The following GPD2 variants were observed in gnomAD, a reference collection of about 807,000 sequenced individuals.
GPD2 encodes the protein glycerol-3-phosphate dehydrogenase, mitochondrial.
In GPD2, 54 loss-of-function variants were observed where a neutral mutation model predicts 82.4. The ratio of observed to expected loss-of-function variants is 0.66; its 90% CI spans 0.53 to 0.82. GPD2 has a LOEUF of 0.82. Ranked by LOEUF, GPD2 falls within the 40% of genes least tolerant of loss-of-function variation. The pLI is 0.00. For synonymous variants in GPD2, 288 were observed against 306.1 expected (o/e 0.94, Z 0.62); for missense variants, 748 against 896.2 (o/e 0.83, Z 2.11).
intron 3 of GPD2, among the ~76,000 whole-genome samples, chr2:156,509,488 T>A (rs1419931359): frequency 6.6e-6 from 1 of 152,188 alleles, no homozygotes; most frequent in African/African-American, 2.4e-5. Context: ...CATTCTTTCA[T>A]CCTCCAAGAG....
At chr2:156,441,574 A>G (rs1682178209) in intron 1 of GPD2, among the ~76,000 whole-genome samples, 1 of 152,176 alleles carries the variant, frequency 6.6e-6, no homozygotes, top group African/African-American at 2.4e-5. Flanking sequence ...AAGAAAAAAG[A>G]TAAAAAAGTA....
At chr2:156,495,774 A>AACTTGGCTG in intron 2 of GPD2, 1 of 450,810 alleles carries the variant, frequency 2.2e-6, no homozygotes, top group Non-Finnish European at 4.2e-6. Context: ...TGAATAATTG[A>AACTTGGCTG]ACTTGGCTGT....
chr2:156,451,742 G>C (rs1682600168), intron 1 of GPD2, among the ~76,000 whole-genome samples: 1 of 148,354 alleles, frequency 6.7e-6, no homozygotes, highest in African/African-American at 2.5e-5. Flanking sequence ...CCGGGCGGGG[G>C]GCTGACCCCC....
At chr2:156,543,119 T>C (rs1686387958) in intron 6 of GPD2, among the ~76,000 whole-genome samples, 1 of 152,182 alleles carries the variant, frequency 6.6e-6, no homozygotes, top group Admixed American at 6.5e-5. Context: ...CTCCTCCCTT[T>C]GCTTATGTTT....
the GPD2 span, among the ~76,000 whole-genome samples, chr2:156,405,924 C>T: frequency 6.6e-6 from 1 of 152,120 alleles, no homozygotes; most frequent in East Asian, 1.9e-4. Flanking sequence ...GCTCAAGGTA[C>T]CAAGTTCCTA....
In GPD2 at chr2:156,550,590, T is replaced by C; in HGVS notation, c.827-12T>C. On this transcript the variant is annotated splice_polypyrimidine_tract_variant and intron_variant, in intron 7 of 16. Transcript: ENST00000438166. ...AAATGAGGTGTGTGATTGATGCCACTTTCTTTCACAGGGCAGGAATTTGAC... is the reference window on the plus strand; with the variant it reads ...AAATGAGGTGTGTGATTGATGCCACCTTCTTTCACAGGGCAGGAATTTGAC... 1 of 1,613,756 alleles carries C rather than the reference T, an allele frequency of 6.2e-7. No individual in the cohort carries two copies. Among genetic ancestry groups the C allele is most frequent in the East Asian group, 2.2e-5 (1 of 44,878 alleles).
chr2:156,451,992 G>A (rs1573881662), intron 1 of GPD2, among the ~76,000 whole-genome samples: 1 of 151,042 alleles, frequency 6.6e-6, no homozygotes, highest in East Asian at 2.0e-4. Flanking sequence ...CATCTCAGAC[G>A]ATGGGCGGCC....
At chr2:156,423,515 T>G in the GPD2 span, among the ~76,000 whole-genome samples, 2 of 152,226 alleles carry the variant, frequency 1.3e-5, no homozygotes, top group Non-Finnish European at 2.9e-5. Context: ...GAATGAATCA[T>G]TTTCTTGCCA....
chr2:156,572,349 T>C (rs1687670842), intron 13 of GPD2, among the ~76,000 whole-genome samples: 1 of 151,668 alleles, frequency 6.6e-6, no homozygotes, highest in Non-Finnish European at 1.5e-5. Context: ...TTATTTTTAA[T>C]TTTTTTTTAA....
chr2:156,406,225 C>T, the GPD2 span, among the ~76,000 whole-genome samples: 1 of 152,124 alleles, frequency 6.6e-6, no homozygotes. Flanking sequence ...ACCCTAAGGC[C>T]TACTTTCCTA....
At chr2:156,560,108 G>T (rs1489558213) in intron 9 of GPD2, among the ~76,000 whole-genome samples, 2 of 152,180 alleles carry the variant, frequency 1.3e-5, no homozygotes, top group African/African-American at 2.4e-5. Context: ...AAGTTCAAAT[G>T]CAGCGAGGAT....
chr2:156,559,625 T>C (rs547402568), intron 9 of GPD2, among the ~76,000 whole-genome samples: 1 of 152,322 alleles, frequency 6.6e-6, no homozygotes, highest in African/African-American at 2.4e-5. Context: ...GACTAATCCA[T>C]ATTGTATAGT....
At chr2:156,504,920 G>A (rs1032654490) in intron 3 of GPD2, among the ~76,000 whole-genome samples, 9 of 151,918 alleles carry the variant, frequency 5.9e-5, no homozygotes, top group Admixed American at 5.2e-4. Flanking sequence ...GTCAACTGTG[G>A]TTATCTCTGA....
At chr2:156,500,066 A>ATAGTTAAGAGTT (rs915335482) in intron 3 of GPD2, among the ~76,000 whole-genome samples, 1 of 152,134 alleles carries the variant, frequency 6.6e-6, no homozygotes, top group African/African-American at 2.4e-5. Context: ...ACAATTTTGA[A>ATAGTTAAGAGTT]TAGTTAAGAG....
At chr2:156,506,438 T>A (rs1158431466) in intron 3 of GPD2, among the ~76,000 whole-genome samples, 1 of 152,176 alleles carries the variant, frequency 6.6e-6, no homozygotes, top group African/African-American at 2.4e-5. Flanking sequence ...TAAGTACATG[T>A]GATAACTTTT....
At chr2:156,569,658 C>A in intron 11 of GPD2, 120 bp downstream of exon 11, 2 of 812,832 alleles carry the variant, frequency 2.5e-6, no homozygotes, top group Non-Finnish European at 2.2e-6. Flanking sequence ...TACATTTCTG[C>A]CAGTCTGTTA....
chr2:156,522,871 A>T (rs540624919), intron 6 of GPD2, among the ~76,000 whole-genome samples: 1 of 152,240 alleles, frequency 6.6e-6, no homozygotes, highest in African/African-American at 2.4e-5. Flanking sequence ...TACAAAATGA[A>T]GATTATAGCA....
intron 8 of GPD2, 108 bp downstream of exon 8, chr2:156,550,854 C>CA: frequency 1.1e-6 from 1 of 924,646 alleles, no homozygotes. Flanking sequence ...ACTTGCTGTT[C>CA]AAAATCAGGA....
chr2:156,541,070 A>G (rs1686290508), intron 6 of GPD2, among the ~76,000 whole-genome samples: 2 of 152,236 alleles, frequency 1.3e-5, no homozygotes, highest in South Asian at 2.1e-4. Context: ...CTATTTTGTC[A>G]TAGCATCATT....
Sources: allele counts gnomAD v4.1 joint callset (sites outside exome capture counted in the v4.1 genomes callset), GRCh38; gene constraint gnomAD v4.1.1; transcripts MANE v1.5; gene names NCBI Gene and HGNC (gene_info 2026-07-23, HGNC 2026-07-21).